The following CDS2 variants were observed in gnomAD, a reference collection of about 807,000 sequenced individuals.
The protein encoded by CDS2 is CDP-diacylglycerol synthase 2, also known as phosphatidate cytidylyltransferase 2.
A neutral mutation model predicts 59.0 loss-of-function variants in CDS2; 47 were observed. The ratio of observed to expected loss-of-function variants is 0.80; its 90% CI spans 0.63 to 1.02. The LOEUF (loss-of-function observed/expected upper bound fraction) is 1.02. CDS2 is among the 50% of genes least tolerant of loss of function. The pLI, the probability that CDS2 is intolerant of heterozygous loss-of-function variation, is 0.00. For synonymous variants in CDS2, 207 were observed against 206.4 expected (o/e 1.00, Z -0.02); for missense variants, 356 against 558.9 (o/e 0.64, Z 3.66).
intron 4 of CDS2, among the ~76,000 whole-genome samples, chr20:5,178,166 G>A (rs557935511): frequency 6.6e-6 from 1 of 152,214 alleles, no homozygotes; most frequent in Non-Finnish European, 1.5e-5. Flanking sequence ...ATACACAAGT[G>A]AAGAGTTAAC....
Position 5,145,931 on chromosome 20 carries a change from C to T in CDS2, c.57+18782C>T, listed in dbSNP as rs146354455. 8.2e-3 allele frequency among the ~76,000 whole-genome samples: 1,251 copies of T among 151,836 alleles called. 5 individuals carry two copies. The highest frequency in any genetic ancestry group is 0.01 in the Non-Finnish European group (698 of 67,944). On this transcript the variant is annotated intron_variant, in intron 1 of 12. Coordinates refer to ENST00000460006, the MANE Select transcript of CDS2 (RefSeq NM_003818.4). ...CTTGACCTCCCACACTCAGTCAACC[C>T]TCCCATCTCAGCCTATGGAGGATCT...
In CDS2 at chr20:5,191,719, C is replaced by G. The variant is rs1270864690; in HGVS notation, c.*1485C>G. On this transcript the variant is annotated 3_prime_UTR_variant, in exon 13 of 13. Transcript: ENST00000460006. ...GGATGGAGCCCTCGGGATGTTTCAG[C>G]TCACACATCCTTGAGTGACTTCCCA... 1 of 152,224 alleles carries G rather than the reference C, an allele frequency of 6.6e-6. No homozygotes were observed. Among genetic ancestry groups the G allele is most frequent in the African/African-American group, 2.4e-5 (1 of 41,448 alleles). The allele number at this position is 152,224 out of a possible 1,614,324, so 9.4% of individuals were successfully genotyped here. A position where few individuals can be genotyped will look rare whatever the true frequency, so the allele number is the denominator to read the frequency against.
Position 5,186,614 on chromosome 20 carries a change from A to T in CDS2, c.829-73A>T, listed in dbSNP as rs76319104. Reference sequence around the variant, plus strand: ...CTAGGCACCCTCAGGAACATGGCCAAACCAGGTGCCTGTGTCTGGGCTGGA... The same window carrying T: ...CTAGGCACCCTCAGGAACATGGCCATACCAGGTGCCTGTGTCTGGGCTGGA... On this transcript the variant is annotated intron_variant, in intron 9 of 12. Transcript: ENST00000460006. The T allele has an allele frequency of 2.3e-3, 3,489 of 1,546,924 alleles. 48 individuals are homozygous for T. The African/African-American group carries it at 0.035, about 16-fold the overall frequency.
At chr20:5,127,722 TG>T (rs1289230388) in intron 1 of CDS2, among the ~76,000 whole-genome samples, 2 of 150,552 alleles carry the variant, frequency 1.3e-5, no homozygotes, top group Non-Finnish European at 3.0e-5. Flanking sequence ...TCCCGGTTGA[TG>T]GGTTGTTTCC....
intron 2 of CDS2, among the ~76,000 whole-genome samples, chr20:5,174,202 C>A (rs1357953993): frequency 3.3e-5 from 5 of 152,154 alleles, no homozygotes; most frequent in Admixed American, 1.3e-4. Flanking sequence ...GTGAGTAGAT[C>A]AAAAACACAT....
At chr20:5,181,389 G>C (rs1481786634) in intron 5 of CDS2, among the ~76,000 whole-genome samples, 1 of 152,174 alleles carries the variant, frequency 6.6e-6, no homozygotes, top group Admixed American at 6.5e-5. Context: ...GATGTTACCA[G>C]AAAGGGGTCC....
chr20:5,159,135 A>G (rs1156923499), intron 1 of CDS2, among the ~76,000 whole-genome samples: 1 of 152,142 alleles, frequency 6.6e-6, no homozygotes, highest in Non-Finnish European at 1.5e-5. Context: ...TTCATTTCAA[A>G]TTAATATCAG....
At chr20:5,136,035 G>A (rs985977213) in intron 1 of CDS2, among the ~76,000 whole-genome samples, 1 of 152,246 alleles carries the variant, frequency 6.6e-6, no homozygotes, top group South Asian at 2.1e-4. Context: ...CTTTGCTGAG[G>A]TTTTGAGAGT....
intron 2 of CDS2, among the ~76,000 whole-genome samples, 189 bp downstream of exon 2, chr20:5,173,848 C>CAGG (rs1330124426): frequency 1.3e-5 from 2 of 152,140 alleles, no homozygotes; most frequent in African/African-American, 2.4e-5. Flanking sequence ...GCACAGTGAC[C>CAGG]AGGAGGGGAG....
intron 1 of CDS2, among the ~76,000 whole-genome samples, chr20:5,131,093 A>T (rs919089811): frequency 1.6e-5 from 2 of 125,214 alleles, no homozygotes; most frequent in African/African-American, 3.0e-5. Flanking sequence ...ACTCTGTCTT[A>T]AAAAAAAAAA....
intron 1 of CDS2, among the ~76,000 whole-genome samples, chr20:5,149,335 C>A (rs1489559297): frequency 6.6e-6 from 1 of 152,136 alleles, no homozygotes; most frequent in Non-Finnish European, 1.5e-5. Context: ...TTCCTATTGG[C>A]ATGTTCACAT....
intron 1 of CDS2, among the ~76,000 whole-genome samples, chr20:5,156,491 C>T (rs1338958129): frequency 6.6e-6 from 1 of 151,978 alleles, no homozygotes; most frequent in Non-Finnish European, 1.5e-5. Context: ...GGCTGAATGG[C>T]AGGGTCAGCT....
chr20:5,135,741 A>G (rs900143876), intron 1 of CDS2, among the ~76,000 whole-genome samples: 1 of 152,128 alleles, frequency 6.6e-6, no homozygotes, highest in Admixed American at 6.5e-5. Context: ...AAGTTGACTG[A>G]CCTTTTGAAG....
intron 1 of CDS2, among the ~76,000 whole-genome samples, chr20:5,161,892 A>G (rs2090879086): frequency 6.6e-6 from 1 of 152,244 alleles, no homozygotes; most frequent in South Asian, 2.1e-4. Context: ...GCTAACTAGA[A>G]CCAGACCATG....
chr20:5,171,529 T>G (rs1040767510), intron 1 of CDS2, among the ~76,000 whole-genome samples: 1 of 152,158 alleles, frequency 6.6e-6, no homozygotes, highest in Non-Finnish European at 1.5e-5. Context: ...ATGATTACCG[T>G]AATATTACTG....
intron 1 of CDS2, among the ~76,000 whole-genome samples, chr20:5,149,044 G>A (rs1439824199): frequency 6.6e-6 from 1 of 151,488 alleles, no homozygotes; most frequent in African/African-American, 2.4e-5. Context: ...GGGTCTTGCT[G>A]TGGTCACCCA....
rs969242831 is a variant in CDS2 at position 5,190,010 on chromosome 20, C to G, written c.1206-92C>G. The stretch of plus-strand genomic sequence containing the variant: ...CTGTCATCTGTTAATAGATAACTCT[C>G]TGATCCAGAGATCAGAGCAGCCACT... On this transcript the variant is annotated intron_variant, in intron 12 of 12. Coordinates refer to ENST00000460006, the MANE Select transcript of CDS2 (RefSeq NM_003818.4). The G allele has an allele frequency of 2.5e-5, 38 of 1,524,878 alleles. No homozygotes were observed. The Middle Eastern group carries it at 1.2e-3, about 49-fold the overall frequency. 94.5% of individuals were successfully genotyped at this position (1,524,878 alleles called of 1,614,324 possible).
intron 3 of CDS2, 111 bp downstream of exon 3, chr20:5,175,390 T>A: frequency 1.2e-6 from 1 of 816,458 alleles, no homozygotes; most frequent in Non-Finnish European, 2.1e-6. Flanking sequence ...GGGTCCAGGC[T>A]TCTCAGAAAA....
At chr20:5,175,123 C>G in intron 2 of CDS2, 60 bp from the exon 3 acceptor site, 1 of 1,195,614 alleles carries the variant, frequency 8.4e-7, no homozygotes, top group South Asian at 1.2e-5. Flanking sequence ...TGAGTTTGTG[C>G]ATTGGTTTTT....
Sources: gnomAD v4.1 joint callset for allele counts (sites outside exome capture counted in the v4.1 genomes callset) on GRCh38, gnomAD v4.1.1 for gene constraint, MANE v1.5 for transcripts, NCBI Gene and HGNC (gene_info 2026-07-23, HGNC 2026-07-21) for gene names.